The following KIF5C variants were observed in gnomAD, a reference collection of about 807,000 sequenced individuals.
KIF5C encodes kinesin heavy chain isoform 5C.
A neutral mutation model predicts 125.2 loss-of-function variants in KIF5C; 18 were observed. The ratio of observed to expected loss-of-function variants is 0.14; its 90% CI spans 0.10 to 0.21. The LOEUF (loss-of-function observed/expected upper bound fraction) is 0.21, where lower values mean the gene tolerates loss of function less well. KIF5C is among the 10% of genes least tolerant of loss of function. The probability of loss-of-function intolerance (pLI) is 1.00; values close to 1 mark genes in which losing one functional copy is unlikely to be tolerated. For missense variants in KIF5C, 780 were observed against 1,183.8 expected (o/e 0.66, Z 5.01); for synonymous variants, 405 against 434.0 (o/e 0.93, Z 0.83).
intron 8 of KIF5C, chr2:148,947,459 G>T (rs1425936154): frequency 5.2e-6 from 1 of 194,000 alleles, no homozygotes; most frequent in Non-Finnish European, 1.1e-5. Context: ...CTGATAGAAG[G>T]TCTGGAACCT....
At chr2:148,963,712 T>C (rs974212950) in intron 11 of KIF5C, among the ~76,000 whole-genome samples, 1 of 152,114 alleles carries the variant, frequency 6.6e-6, no homozygotes, top group African/African-American at 2.4e-5. Context: ...CTCTGTTGGG[T>C]GACCAGGACA....
At chr2:148,885,097 A>G (rs1449551070) in intron 1 of KIF5C, among the ~76,000 whole-genome samples, 1 of 151,740 alleles carries the variant, frequency 6.6e-6, no homozygotes, top group Admixed American at 6.6e-5. Flanking sequence ...GGTTCAAGCA[A>G]TTCTCAGCCT....
rs149327537 is a variant in KIF5C, at chr2:148,890,032, G to A, written c.126+14289G>A. ...AGTACAAAATGCTGCTCTTTATTGC[G>A]TAGGTTTAGTCACTCAAATACAGAG... is the stretch of plus-strand genomic sequence containing the variant. On this transcript the variant is annotated intron_variant, in intron 1 of 25. Coordinates refer to ENST00000435030, the MANE Select transcript of KIF5C (RefSeq NM_004522.3). Among the ~76,000 whole-genome samples, 27 of 152,184 alleles carry A rather than the reference G, an allele frequency of 1.8e-4. No individual in the cohort carries two copies. In the East Asian group the frequency reaches 4.2e-3, roughly 24 times the overall value.
intron 1 of KIF5C, among the ~76,000 whole-genome samples, chr2:148,880,144 T>A (rs188331068): frequency 6.6e-6 from 1 of 152,134 alleles, no homozygotes; most frequent in Non-Finnish European, 1.5e-5. Flanking sequence ...TCTTTGAGAC[T>A]GAGTCTTGCT....
At position 148,949,186 on chromosome 2, in the gene KIF5C, A is replaced by G. The variant is rs545109615; in HGVS notation, c.715-653A>G. Among the ~76,000 whole-genome samples the G allele has an allele frequency of 2.9e-3, 440 of 152,356 alleles. 1 individual carries two copies. Among genetic ancestry groups the G allele is most frequent in the Admixed American group, 4.6e-3 (71 of 15,312 alleles). On this transcript the variant is annotated intron_variant, in intron 8 of 25. Coordinates refer to ENST00000435030, the MANE Select transcript of KIF5C (RefSeq NM_004522.3). ...TGCTGTCAAGATGAAATTACCAGCA[A>G]TAACGCAGCAAAGGAGAAACTATGC... is the stretch of plus-strand genomic sequence containing the variant.
At chr2:148,979,964 A>G (rs1681186160) in intron 13 of KIF5C, among the ~76,000 whole-genome samples, 1 of 152,168 alleles carries the variant, frequency 6.6e-6, no homozygotes, top group African/African-American at 2.4e-5. Flanking sequence ...AGGACCGTTT[A>G]AGTGTTGTTT....
rs1255508184 is a variant in KIF5C, at chr2:149,024,254, C to A, written c.*1184C>A. On this transcript the variant is annotated 3_prime_UTR_variant, in exon 26 of 26. Coordinates refer to ENST00000435030, the MANE Select transcript of KIF5C (RefSeq NM_004522.3). ...TCTAAAGCTGAATCAACCCTTACTT[C>A]CAGTTGTGCTTATTAAGAAGATCAA... The A allele has an allele frequency of 6.6e-6, 1 of 152,552 alleles. No homozygotes were observed. The highest frequency in any genetic ancestry group is 2.4e-5 in the African/African-American group (1 of 41,414). 9.4% of individuals were successfully genotyped at this position (152,552 alleles called of 1,614,324 possible). A position where few individuals can be genotyped will look rare whatever the true frequency, so the allele number is the denominator to read the frequency against.
intron 23 of KIF5C, 70 bp from the exon 24 acceptor site, chr2:149,010,065 T>G (rs1176791459): frequency 1.4e-6 from 2 of 1,473,536 alleles, no homozygotes; most frequent in Non-Finnish European, 1.8e-6. Flanking sequence ...AGGGGCTGCT[T>G]CTGGCTGCTC....
At chr2:148,914,003 C>G (rs946798182) in intron 1 of KIF5C, among the ~76,000 whole-genome samples, 4 of 152,186 alleles carry the variant, frequency 2.6e-5, no homozygotes, top group Non-Finnish European at 4.4e-5. Context: ...TTCTCTCATG[C>G]TATAGGTCAA....
intron 17 of KIF5C, 34 bp downstream of exon 17, chr2:148,994,572 C>A: frequency 6.5e-7 from 1 of 1,547,400 alleles, no homozygotes; most frequent in Non-Finnish European, 8.7e-7. Flanking sequence ...GTGTCAAACA[C>A]CTGGCCTGAG....
intron 10 of KIF5C, among the ~76,000 whole-genome samples, chr2:148,953,332 G>C (rs1217527082): frequency 6.6e-6 from 1 of 152,226 alleles, no homozygotes; most frequent in Non-Finnish European, 1.5e-5. Context: ...GTTGGGTTTG[G>C]ATCTGGTTTG....
intron 2 of KIF5C, 27 bp from the exon 3 acceptor site, chr2:148,929,254 A>AT (rs914890363): frequency 6.9e-7 from 1 of 1,452,734 alleles, no homozygotes; most frequent in Non-Finnish European, 9.3e-7. Context: ...TAATGAGTTA[A>AT]TTTTAATTTC....
intron 11 of KIF5C, among the ~76,000 whole-genome samples, chr2:148,963,212 G>T (rs1682971339): frequency 6.6e-6 from 1 of 151,894 alleles, no homozygotes; most frequent in Admixed American, 6.6e-5. Context: ...GTGTGTAGGG[G>T]AATGGCGGAT....
chr2:148,907,878 C>T (rs1013129160), intron 1 of KIF5C, among the ~76,000 whole-genome samples: 10 of 152,206 alleles, frequency 6.6e-5, no homozygotes, highest in South Asian at 2.1e-4. Flanking sequence ...CAACTGGGGC[C>T]GCCCAGCAGG....
chr2:148,991,304 G>C, intron 16 of KIF5C, 106 bp downstream of exon 16: 1 of 1,452,540 alleles, frequency 6.9e-7, no homozygotes, highest in South Asian at 1.5e-5. Flanking sequence ...TTGAGGGACT[G>C]CTTTGTGTAA....
At chr2:148,882,358 G>T (rs751759406) in intron 1 of KIF5C, among the ~76,000 whole-genome samples, 1 of 152,314 alleles carries the variant, frequency 6.6e-6, no homozygotes, top group South Asian at 2.1e-4. Flanking sequence ...CAGGCATCCA[G>T]ATAAGGCCCA....
At chr2:148,889,131 T>C (rs1300373769) in intron 1 of KIF5C, among the ~76,000 whole-genome samples, 1 of 152,222 alleles carries the variant, frequency 6.6e-6, no homozygotes, top group African/African-American at 2.4e-5. Context: ...TCCTATGAAA[T>C]ATTATCCTAT....
At chr2:148,998,174 C>A in intron 18 of KIF5C, 2 of 626,554 alleles carry the variant, frequency 3.2e-6, no homozygotes, top group Non-Finnish European at 5.4e-6. Context: ...AGTTGGTGGG[C>A]TAATTGGCTT....
chr2:148,875,576 C>CCCCCCCCCCAAACCCCTG lies in KIF5C; in HGVS notation c.-37_-36insCCCCAAACCCCTGCCCCC. 1.8e-6 allele frequency: 1 copy of CCCCCCCCCCAAACCCCTG among 549,558 alleles called. No individual in the cohort carries two copies. 34.0% of individuals were successfully genotyped at this position (549,558 alleles called of 1,614,324 possible). ...CCTCCCTCGTCGTTCCCGGCCCCGGCCCCCCACCCATCCCCGTGCCCCCTC... is the reference window on the plus strand; with the variant it reads ...CCTCCCTCGTCGTTCCCGGCCCCGGCCCCCCCCCCAAACCCCTGCCCCCACCCATCCCCGTGCCCCCTC... On this transcript the variant is annotated 5_prime_UTR_variant, in exon 1 of 26. Transcript: ENST00000435030.
Sources: gnomAD v4.1 joint callset for allele counts (sites outside exome capture counted in the v4.1 genomes callset) on GRCh38, gnomAD v4.1.1 for gene constraint, MANE v1.5 for transcripts, NCBI Gene and HGNC (gene_info 2026-07-23, HGNC 2026-07-21) for gene names.